The following CNTNAP2 variants were observed in gnomAD, a reference collection of about 807,000 sequenced individuals.
CNTNAP2 encodes contactin associated protein 2, also known as contactin-associated protein-like 2.
A neutral mutation model predicts 155.2 loss-of-function variants in CNTNAP2; 98 were observed. The observed-to-expected ratio is 0.63, with a 90% CI of 0.54 to 0.75. CNTNAP2 has a LOEUF of 0.75. Among genes scored for constraint, CNTNAP2 ranks in the 30% least tolerant of loss-of-function variants. The pLI is 0.00. For missense variants in CNTNAP2, 1,727 were observed against 1,688.1 expected, an observed-to-expected ratio of 1.02 and a Z score of -0.40; for synonymous variants, 651 against 631.2, an observed-to-expected ratio of 1.03 and a Z score of -0.47.
At chr7:147,801,476 C>T (rs532245343) in intron 13 of CNTNAP2, among the ~76,000 whole-genome samples, 2,335 of 151,876 alleles carry the variant, frequency 0.015, 24 homozygotes, top group Non-Finnish European at 0.022. Flanking sequence ...TGCGGCCTTC[C>T]GCAGTGTTTG....
intron 2 of CNTNAP2, among the ~76,000 whole-genome samples, chr7:146,820,350 T>A (rs1189578779): frequency 1.3e-5 from 2 of 152,168 alleles, no homozygotes; most frequent in African/African-American, 4.8e-5. Flanking sequence ...AGTTAGCAAT[T>A]GAATATTTAA....
intron 1 of CNTNAP2, among the ~76,000 whole-genome samples, chr7:146,364,840 G>T (rs1215803450): frequency 6.6e-6 from 1 of 152,214 alleles, no homozygotes; most frequent in Non-Finnish European, 1.5e-5. Flanking sequence ...TTCAGAGGAA[G>T]TTTAATCCTT....
chr7:147,905,957 G>C (rs1427932695), intron 14 of CNTNAP2, among the ~76,000 whole-genome samples: 2 of 151,850 alleles, frequency 1.3e-5, no homozygotes, highest in Non-Finnish European at 2.9e-5. Context: ...AACTGGAGGA[G>C]TGAAGGAAGG....
intron 8 of CNTNAP2, among the ~76,000 whole-genome samples, chr7:147,246,093 G>GCATATATATATATACATATATATGC (rs1563132031): frequency 2.0e-5 from 3 of 146,938 alleles, no homozygotes; most frequent in Non-Finnish European, 3.0e-5. Context: ...CATATATATG[G>GCATATATATATATACATATATATGC]CATATATATA....
chr7:146,137,067 A>T (rs2116748959), intron 1 of CNTNAP2, among the ~76,000 whole-genome samples: 2 of 152,314 alleles, frequency 1.3e-5, no homozygotes, highest in East Asian at 3.9e-4. Context: ...AATGATCCAT[A>T]TCAACTACTC....
intron 16 of CNTNAP2, among the ~76,000 whole-genome samples, chr7:148,122,925 A>G (rs1804629922): frequency 6.6e-6 from 1 of 152,176 alleles, no homozygotes; most frequent in African/African-American, 2.4e-5. Context: ...AATACTCGTG[A>G]GGGTTAAGTG....
intron 15 of CNTNAP2, among the ~76,000 whole-genome samples, chr7:148,059,640 A>G (rs1233830310): frequency 6.7e-6 from 1 of 150,370 alleles, no homozygotes; most frequent in Non-Finnish European, 1.5e-5. Flanking sequence ...CATGCTGTAT[A>G]CTTATAATCT....
At chr7:147,594,125 C>CTTTTTTT (rs397827040) in intron 12 of CNTNAP2, among the ~76,000 whole-genome samples, 1 of 120,070 alleles carries the variant, frequency 8.3e-6, no homozygotes. Context: ...TCTGGTGTCT[C>CTTTTTTT]TTTTTTTTTT....
chr7:148,029,391 A>C (rs558414184), intron 15 of CNTNAP2, among the ~76,000 whole-genome samples: 1 of 152,160 alleles, frequency 6.6e-6, no homozygotes, highest in East Asian at 1.9e-4. Flanking sequence ...GCCCCCAACA[A>C]TAGGTGTGAA....
At chr7:146,574,907 G>A (rs1291692642) in intron 1 of CNTNAP2, among the ~76,000 whole-genome samples, 19 of 152,040 alleles carry the variant, frequency 1.2e-4, no homozygotes, top group Admixed American at 9.8e-4. Flanking sequence ...CTACCCGTGG[G>A]CTCCAAATCC....
At chr7:148,138,695 C>G (rs908274006) in intron 16 of CNTNAP2, among the ~76,000 whole-genome samples, 1 of 152,094 alleles carries the variant, frequency 6.6e-6, no homozygotes, top group Non-Finnish European at 1.5e-5. Context: ...CACTCTATCC[C>G]CAGAGTAACC....
chr7:147,546,044 G>T (rs1233776160), intron 11 of CNTNAP2, among the ~76,000 whole-genome samples: 1 of 152,138 alleles, frequency 6.6e-6, no homozygotes, highest in Admixed American at 6.6e-5. Context: ...GTGGAACAGT[G>T]AGTCAATTAA....
chr7:148,230,170 C>G (rs903127953), intron 20 of CNTNAP2, among the ~76,000 whole-genome samples: 13 of 152,234 alleles, frequency 8.5e-5, no homozygotes, highest in Non-Finnish European at 1.8e-4. Context: ...ACTTCTTTCA[C>G]TGCTCCAACA....
intron 15 of CNTNAP2, among the ~76,000 whole-genome samples, chr7:148,049,252 A>T (rs1010346525): frequency 4.6e-5 from 7 of 152,202 alleles, no homozygotes; most frequent in Non-Finnish European, 8.8e-5. Flanking sequence ...GTCAGTAGTG[A>T]AACTACGAAG....
intron 1 of CNTNAP2, among the ~76,000 whole-genome samples, chr7:146,372,746 C>T (rs1381977026): frequency 6.6e-6 from 1 of 152,070 alleles, no homozygotes; most frequent in Non-Finnish European, 1.5e-5. Flanking sequence ...CTAGGATTCT[C>T]CACAGGAGTT....
chr7:146,947,557 G>GTGTATATATA (rs1472982138), intron 3 of CNTNAP2, among the ~76,000 whole-genome samples: 2 of 50,714 alleles, frequency 3.9e-5, no homozygotes, highest in African/African-American at 5.7e-5. Context: ...GTGTGTGTGT[G>GTGTATATATA]TATATATATA....
At chr7:147,529,394 G>C (rs1243672296) in intron 11 of CNTNAP2, among the ~76,000 whole-genome samples, 1 of 151,900 alleles carries the variant, frequency 6.6e-6, no homozygotes, top group African/African-American at 2.4e-5. Context: ...CTATATTATA[G>C]GCACTGTGCC....
At chr7:147,150,933 G>C (rs1393558945) in intron 8 of CNTNAP2, among the ~76,000 whole-genome samples, 1 of 152,130 alleles carries the variant, frequency 6.6e-6, no homozygotes, top group African/African-American at 2.4e-5. Context: ...ATCAGCCAAG[G>C]GATGTTTTTA....
Position 147,134,112 on chromosome 7 carries a change from T to C in CNTNAP2, c.1348+1603T>C, listed in dbSNP as rs1317149103. On this transcript the variant is annotated intron_variant, in intron 8 of 23. Transcript: ENST00000361727. ...ATAAAAATATTAGTATGAAGGCCTG[T>C]CTCCTTGCAGTCTCTGAGCAAATCC... 2.0e-5 allele frequency among the ~76,000 whole-genome samples: 3 copies of C among 152,116 alleles called. No individual in the cohort carries two copies. The East Asian group carries it at 5.8e-4, about 29-fold the overall frequency.
Sources: allele counts gnomAD v4.1 joint callset (sites outside exome capture counted in the v4.1 genomes callset), GRCh38; gene constraint gnomAD v4.1.1; transcripts MANE v1.5; gene names NCBI Gene and HGNC (gene_info 2026-07-23, HGNC 2026-07-21).